The following SLCO1B1 variants were observed in gnomAD, a reference collection of about 807,000 sequenced individuals.
SLCO1B1 encodes the protein OATP-2.
A neutral mutation model predicts 70.1 loss-of-function variants in SLCO1B1; 81 were observed. The observed-to-expected ratio is 1.16, with a 90% CI of 0.97 to 1.39. The LOEUF is 1.39. Ranked by LOEUF, SLCO1B1 falls within the 40% of genes most tolerant of loss-of-function variation. The pLI, the probability that SLCO1B1 is intolerant of heterozygous loss-of-function variation, is 0.00. For synonymous variants in SLCO1B1, 283 were observed against 271.5 expected (o/e 1.04, Z -0.42); for missense variants, 895 against 799.6 (o/e 1.12, Z -1.44).
At position 21,207,124 on chromosome 12, in the gene SLCO1B1, G is replaced by T. The variant is rs1242105479; in HGVS notation, c.1497+1091G>T. Among the ~76,000 whole-genome samples the T allele has an allele frequency of 2.6e-5, 4 of 151,738 alleles. No individual in the cohort carries two copies. The South Asian group carries it at 8.3e-4, about 31-fold the overall frequency. On this transcript the variant is annotated intron_variant, in intron 11 of 14. Transcript: ENST00000256958. ...CTTTGCTGTTTATTTTTATTTTGCT[G>T]TTTTTTAAAAAAATAATTTAACTCT...
intron 12 of SLCO1B1, among the ~76,000 whole-genome samples, chr12:21,221,443 T>C (rs1941423093): frequency 6.6e-6 from 1 of 152,052 alleles, no homozygotes; most frequent in Non-Finnish European, 1.5e-5. Flanking sequence ...AAAAATTTCC[T>C]GCACAGCAAT....
At chr12:21,219,434 A>G (rs908480120) in intron 12 of SLCO1B1, among the ~76,000 whole-genome samples, 5 of 152,220 alleles carry the variant, frequency 3.3e-5, no homozygotes, top group Admixed American at 3.3e-4. Flanking sequence ...GAGAGAGGTG[A>G]CAAGTGCAGC....
At position 21,141,644 on chromosome 12, in the gene SLCO1B1, T is replaced by A. The variant is rs1348207461; in HGVS notation, c.70T>A (p.Cys24Ser). The A allele has an allele frequency of 6.2e-7, 1 of 1,600,518 alleles. No individual in the cohort carries two copies. Among genetic ancestry groups the A allele is most frequent in the Admixed American group, 1.7e-5 (1 of 59,798 alleles). The change falls in exon 2 of 15, where the codon TGC (cysteine) becomes AGC (serine). Residue 24 changes from cysteine to serine, a missense_variant. By Grantham distance (112) the Cys-to-Ser change is moderately radical. Coordinates refer to ENST00000256958, the MANE Select transcript of SLCO1B1 (RefSeq NM_006446.5). ...QPSENKKTRY[C>S]NGLKMFLAAL... ...TTCAGAGAATAAGAAAACAAGATAC[T>A]GCAATGGATTGAAGGTAGAATAAGT...
At chr12:21,215,725 A>G (rs1035435031) in intron 11 of SLCO1B1, among the ~76,000 whole-genome samples, 1 of 152,176 alleles carries the variant, frequency 6.6e-6, no homozygotes, top group African/African-American at 2.4e-5. Flanking sequence ...TGGCTTCAAA[A>G]AAATCAGTTA....
intron 2 of SLCO1B1, among the ~76,000 whole-genome samples, chr12:21,150,116 A>T (rs1397638619): frequency 2.0e-5 from 3 of 152,144 alleles, no homozygotes; most frequent in African/African-American, 7.2e-5. Context: ...AGCTCCACAA[A>T]GCCCCTGTAG....
At position 21,202,634 on chromosome 12, in the gene SLCO1B1, T is replaced by A. The variant is rs1227892239; in HGVS notation, c.1279T>A (p.Phe427Ile). The A allele has an allele frequency of 8.7e-6, 14 of 1,612,942 alleles. No homozygotes were observed. The highest frequency in any genetic ancestry group is 1.2e-5 in the Non-Finnish European group (14 of 1,179,516). Residue 427 changes from phenylalanine (F) to isoleucine (I), a missense_variant, in exon 10 of 15, where the codon TTC (phenylalanine) becomes ATC (isoleucine). Coordinates refer to ENST00000256958, the MANE Select transcript of SLCO1B1 (RefSeq NM_006446.5). ...ATTGTCCTTTTACCTATTATATTTTTTCATACTCTGTGAAAACAAATCAGT... is the reference window on the plus strand; with the variant it reads ...ATTGTCCTTTTACCTATTATATTTTATCATACTCTGTGAAAACAAATCAGT... ...MSLSFYLLYF[F>I]ILCENKSVAG...
intron 2 of SLCO1B1, among the ~76,000 whole-genome samples, chr12:21,151,592 C>G (rs1379239938): frequency 1.3e-5 from 2 of 152,032 alleles, no homozygotes; most frequent in African/African-American, 2.4e-5. Flanking sequence ...TCACTTATTT[C>G]TCCTCCAATG....
At chr12:21,211,232 C>A (rs1832323792) in intron 11 of SLCO1B1, among the ~76,000 whole-genome samples, 1 of 152,068 alleles carries the variant, frequency 6.6e-6, no homozygotes, top group Non-Finnish European at 1.5e-5. Context: ...TGAAATACGT[C>A]CCATCAATAC....
intron 2 of SLCO1B1, among the ~76,000 whole-genome samples, chr12:21,148,722 A>G (rs1170147700): frequency 1.6e-5 from 2 of 124,484 alleles, no homozygotes; most frequent in African/African-American, 3.2e-5. Context: ...TTTTGGTTCC[A>G]TATGAAATTT....
At position 21,224,699 on chromosome 12, in the gene SLCO1B1, CATCTT is replaced by C. The variant is rs1460094323; in HGVS notation, c.1748-22_1748-18del. The C allele has an allele frequency of 8.5e-6, 11 of 1,299,278 alleles. No individual in the cohort carries two copies. Among genetic ancestry groups the C allele is most frequent in the Middle Eastern group, 2.4e-4 (1 of 4,106 alleles). 80.5% of individuals were successfully genotyped at this position (1,299,278 alleles called of 1,614,324 possible). ...ATTTAAAATATGTTCCCTAAACTGA[CATCTT>C]CTCTTCTCCTATTACAGGAGGAATT... On this transcript the variant is annotated intron_variant, in intron 13 of 14. Transcript: ENST00000256958.
intron 14 of SLCO1B1, among the ~76,000 whole-genome samples, chr12:21,233,314 G>T (rs1167291929): frequency 2.6e-5 from 4 of 152,090 alleles, no homozygotes; most frequent in Admixed American, 2.6e-4. Context: ...TCCATCAGTA[G>T]TTCCTTTAGA....
intron 7 of SLCO1B1, among the ~76,000 whole-genome samples, chr12:21,187,411 C>A (rs1019500757): frequency 3.3e-5 from 5 of 152,030 alleles, no homozygotes; most frequent in African/African-American, 9.7e-5. Context: ...CTTTACAGTT[C>A]TTTTCATATC....
At chr12:21,140,244 C>A (rs1302420737) in intron 1 of SLCO1B1, among the ~76,000 whole-genome samples, 3 of 151,968 alleles carry the variant, frequency 2.0e-5, no homozygotes, top group Admixed American at 2.0e-4. Flanking sequence ...ATATATTAGA[C>A]ATATTGTATA....
intron 11 of SLCO1B1, among the ~76,000 whole-genome samples, chr12:21,207,851 A>AT (rs1941231934): frequency 6.6e-6 from 1 of 151,592 alleles, no homozygotes; most frequent in East Asian, 1.9e-4. Context: ...CTGGTGTGAG[A>AT]TGGTATCTCC....
chr12:21,222,268 T>C, intron 12 of SLCO1B1, 32 bp from the exon 13 acceptor site: 1 of 1,193,088 alleles, frequency 8.4e-7, no homozygotes, highest in Non-Finnish European at 1.2e-6. Flanking sequence ...TTTAATGATA[T>C]TTAATGTTTC....
At chr12:21,136,011 C>A (rs1351908141) in intron 1 of SLCO1B1, among the ~76,000 whole-genome samples, 2 of 152,112 alleles carry the variant, frequency 1.3e-5, no homozygotes, top group African/African-American at 2.4e-5. Context: ...CCTTCAGGAG[C>A]TCTTTTAGGG....
rs538596184 is a variant in SLCO1B1, at chr12:21,205,857, T to C, written c.1332-11T>C. 5 of 1,585,186 alleles carry C rather than the reference T, an allele frequency of 3.2e-6. No homozygotes were observed. The South Asian group carries it at 3.3e-5, about 11-fold the overall frequency. On this transcript the variant is annotated splice_polypyrimidine_tract_variant and intron_variant, in intron 10 of 14. Coordinates refer to ENST00000256958, the MANE Select transcript of SLCO1B1 (RefSeq NM_006446.5). ...CTCTCTTTTTGATATATGTCTATCA[T>C]ATATTTCCAGAAATAATCCAGTGAC...
At chr12:21,178,808 C>A in intron 6 of SLCO1B1, 86 bp downstream of exon 6, 2 of 1,382,722 alleles carry the variant, frequency 1.4e-6, no homozygotes, top group South Asian at 2.3e-5. Flanking sequence ...TATTATTTTA[C>A]CTATTAGAAC....
intron 12 of SLCO1B1, among the ~76,000 whole-genome samples, chr12:21,217,907 T>C (rs1051057474): frequency 2.0e-5 from 3 of 152,092 alleles, no homozygotes; most frequent in African/African-American, 7.2e-5. Flanking sequence ...CTTTCAAAAT[T>C]ACAGGAAAGA....
Sources: gnomAD v4.1 joint callset for allele counts (sites outside exome capture counted in the v4.1 genomes callset) on GRCh38, gnomAD v4.1.1 for gene constraint, MANE v1.5 for transcripts, NCBI Gene and HGNC (gene_info 2026-07-23, HGNC 2026-07-21) for gene names.